Variants in PTPRQ observed in about 807,000 individuals in gnomAD.
PTPRQ encodes the protein phosphatidylinositol phosphatase PTPRQ.
PTPRQ carries 199 observed loss-of-function variants against 246.0 expected under a neutral mutation model. The observed-to-expected ratio is 0.81, with a 90% CI of 0.72 to 0.91. The LOEUF (loss-of-function observed/expected upper bound fraction) is 0.91. Among genes scored for constraint, PTPRQ ranks in the 40% least tolerant of loss-of-function variants. PTPRQ has a pLI of 0.00. For synonymous variants in PTPRQ, 869 were observed against 853.2 expected, an observed-to-expected ratio of 1.02 and a Z score of -0.32; for missense variants, 2,624 against 2,528.4, an observed-to-expected ratio of 1.04 and a Z score of -0.81.
chr12:80,654,340 C>A (rs1296377896), intron 38 of PTPRQ, among the ~76,000 whole-genome samples: 2 of 152,176 alleles, frequency 1.3e-5, no homozygotes, highest in African/African-American at 4.8e-5. Flanking sequence ...CATTTTTCAA[C>A]GCATCCTTTT....
chr12:80,549,563 C>G lies in PTPRQ; in HGVS notation c.4114C>G (p.Gln1372Glu). 1 of 1,551,134 alleles carries G rather than the reference C, an allele frequency of 6.4e-7. No homozygotes were observed. The highest frequency in any genetic ancestry group is 8.7e-7 in the Non-Finnish European group (1 of 1,146,598). The change falls in exon 25 of 45, where the codon CAG becomes GAG. Residue 1372 changes from glutamine to glutamate, a missense_variant. Physicochemically the swap from Gln to Glu is conservative, Grantham distance 29. Transcript: ENST00000644991. ...CAAAAAGGCAAATGGAATAATAACG[C>G]AGTATATGGTAACAGTTGAAAGGAA... ...PPKKANGIIT[Q>E]YMVTVERNST...
chr12:80,556,505 T>C (rs1029271346), intron 25 of PTPRQ, among the ~76,000 whole-genome samples: 7 of 152,244 alleles, frequency 4.6e-5, no homozygotes, highest in Non-Finnish European at 7.3e-5. Context: ...GTCTTGAACC[T>C]TGAATTTCGT....
At chr12:80,478,781 G>A (rs914770354) in intron 8 of PTPRQ, among the ~76,000 whole-genome samples, 1 of 152,146 alleles carries the variant, frequency 6.6e-6, no homozygotes, top group South Asian at 2.1e-4. Flanking sequence ...TATCAGCAAT[G>A]GAAGATGAAG....
At chr12:80,487,492 G>C (rs971452090) in intron 9 of PTPRQ, among the ~76,000 whole-genome samples, 1 of 152,066 alleles carries the variant, frequency 6.6e-6, no homozygotes, top group African/African-American at 2.4e-5. Context: ...TGACCTCAAG[G>C]TCATTGTCTA....
intron 25 of PTPRQ, among the ~76,000 whole-genome samples, chr12:80,579,907 T>C (rs1897383443): frequency 6.6e-6 from 1 of 152,172 alleles, no homozygotes; most frequent in Non-Finnish European, 1.5e-5. Flanking sequence ...TTCACAAATA[T>C]AACTTTTCAG....
At chr12:80,469,754 C>T (rs1275266335) in intron 7 of PTPRQ, among the ~76,000 whole-genome samples, 5 of 152,178 alleles carry the variant, frequency 3.3e-5, no homozygotes, top group Non-Finnish European at 5.9e-5. Flanking sequence ...CTCACCCATC[C>T]GATACACAGA....
At chr12:80,468,405 G>A (rs570597901) in intron 6 of PTPRQ, among the ~76,000 whole-genome samples, 1 of 152,220 alleles carries the variant, frequency 6.6e-6, no homozygotes, top group Non-Finnish European at 1.5e-5. Context: ...AATGTTTCAA[G>A]ACAATGTAAC....
At chr12:80,554,833 C>T (rs1200484888) in intron 25 of PTPRQ, among the ~76,000 whole-genome samples, 2 of 152,142 alleles carry the variant, frequency 1.3e-5, no homozygotes, top group Non-Finnish European at 2.9e-5. Flanking sequence ...GCCTTAACCT[C>T]CTGGGCTCAA....
intron 12 of PTPRQ, 141 bp downstream of exon 12, chr12:80,495,512 T>G: frequency 1.7e-6 from 2 of 1,151,666 alleles, no homozygotes; most frequent in Non-Finnish European, 2.3e-6. Context: ...TGTGTCACCA[T>G]GAATCTTTTT....
intron 9 of PTPRQ, among the ~76,000 whole-genome samples, chr12:80,487,903 C>T (rs564281292): frequency 2.0e-5 from 3 of 152,130 alleles, no homozygotes; most frequent in Admixed American, 1.3e-4. Context: ...GATTGGTTCT[C>T]CTCTTAGAGT....
At chr12:80,521,831 G>C (rs1764969531) in intron 17 of PTPRQ, among the ~76,000 whole-genome samples, 1 of 152,158 alleles carries the variant, frequency 6.6e-6, no homozygotes, top group Non-Finnish European at 1.5e-5. Flanking sequence ...GCTTAGGATT[G>C]ACTTGGCAAT....
At chr12:80,634,569 T>C (rs758429891) in intron 34 of PTPRQ, 9 of 173,374 alleles carry the variant, frequency 5.2e-5, no homozygotes, top group Non-Finnish European at 1.1e-4. Context: ...AGCATTGAAC[T>C]ATTTTCACTT....
chr12:80,596,730 C>T (rs1027371438), intron 26 of PTPRQ, among the ~76,000 whole-genome samples: 3 of 151,976 alleles, frequency 2.0e-5, no homozygotes, highest in African/African-American at 7.2e-5. Flanking sequence ...AAAATTTCAG[C>T]TCCTATTTCT....
At chr12:80,572,358 G>A (rs1897168710) in intron 25 of PTPRQ, among the ~76,000 whole-genome samples, 1 of 151,952 alleles carries the variant, frequency 6.6e-6, no homozygotes, top group Non-Finnish European at 1.5e-5. Flanking sequence ...TATTGACATT[G>A]TATCCTATGA....
chr12:80,485,195 AT>A (rs1368639591), intron 9 of PTPRQ, among the ~76,000 whole-genome samples: 1 of 151,814 alleles, frequency 6.6e-6, no homozygotes, highest in Admixed American at 6.6e-5. Context: ...TGGAAGTCTT[AT>A]TTTTTTCCTT....
chr12:80,606,731 T>C (rs1898337299), intron 27 of PTPRQ, among the ~76,000 whole-genome samples: 1 of 150,962 alleles, frequency 6.6e-6, no homozygotes, highest in Non-Finnish European at 1.5e-5. Context: ...TAAAATAAAA[T>C]TGAAAGAATT....
chr12:80,558,163 C>CTTTTCTTTTCTTTTCTTTT (rs1308214878), intron 25 of PTPRQ, among the ~76,000 whole-genome samples: 1 of 94,202 alleles, frequency 1.1e-5, no homozygotes, highest in Non-Finnish European at 2.0e-5. Context: ...CTTTTCTTTT[C>CTTTTCTTTTCTTTTCTTTT]TTTTCTTTCT....
chr12:80,497,608 A>C (rs1894670221), intron 14 of PTPRQ, among the ~76,000 whole-genome samples: 1 of 152,098 alleles, frequency 6.6e-6, no homozygotes, highest in Non-Finnish European at 1.5e-5. Flanking sequence ...TAAAACAAGC[A>C]AGGAATTACT....
chr12:80,444,539 G>T, intron 1 of PTPRQ, 140 bp downstream of exon 1: 1 of 708,516 alleles, frequency 1.4e-6, no homozygotes, highest in Non-Finnish European at 2.4e-6. Context: ...AGTACGTTTT[G>T]TAAGTTTTTA....
Sources: gnomAD v4.1 joint callset for allele counts (sites outside exome capture counted in the v4.1 genomes callset) on GRCh38, gnomAD v4.1.1 for gene constraint, MANE v1.5 for transcripts, NCBI Gene and HGNC (gene_info 2026-07-23, HGNC 2026-07-21) for gene names.